The following CDIN1 variants were observed in gnomAD, a reference collection of about 807,000 sequenced individuals.
The protein encoded by CDIN1 is CDAN1-interacting nuclease 1.
A neutral mutation model predicts 45.3 loss-of-function variants in CDIN1; 33 were observed. The observed-to-expected ratio is 0.73, with a 90% confidence interval of 0.55 to 0.97. The LOEUF is 0.97. Among genes scored for constraint, CDIN1 ranks in the 50% least tolerant of loss-of-function variants. The pLI is 0.00. For synonymous variants in CDIN1, 118 were observed against 124.4 expected, an observed-to-expected ratio of 0.95 and a Z score of 0.34; for missense variants, 303 against 339.4, an observed-to-expected ratio of 0.89 and a Z score of 0.84.
chr15:36,660,910 C>T (rs2040985753), intron 5 of CDIN1, among the ~76,000 whole-genome samples: 1 of 152,158 alleles, frequency 6.6e-6, no homozygotes, highest in African/African-American at 2.4e-5. Flanking sequence ...AATTATTTTT[C>T]TTCCTCCCAA....
intron 10 of CDIN1, among the ~76,000 whole-genome samples, chr15:36,775,477 G>C (rs922369596): frequency 1.3e-5 from 2 of 152,204 alleles, no homozygotes; most frequent in Non-Finnish European, 2.9e-5. Flanking sequence ...GATCTTACCC[G>C]TGTGGAAACC....
At chr15:36,747,701 T>G (rs899858174) in intron 10 of CDIN1, among the ~76,000 whole-genome samples, 1 of 152,174 alleles carries the variant, frequency 6.6e-6, no homozygotes, top group African/African-American at 2.4e-5. Context: ...ACATTTATGG[T>G]AGGAATTGTT....
chr15:36,754,551 G>C (rs1293429599), intron 10 of CDIN1, among the ~76,000 whole-genome samples: 2 of 129,436 alleles, frequency 1.5e-5, no homozygotes, highest in African/African-American at 5.8e-5. Flanking sequence ...AAAATACTAA[G>C]TTGATGGTCT....
At chr15:36,607,934 C>T (rs898371468) in intron 1 of CDIN1, among the ~76,000 whole-genome samples, 1 of 152,176 alleles carries the variant, frequency 6.6e-6, no homozygotes, top group Non-Finnish European at 1.5e-5. Context: ...ATTTGCCTAT[C>T]TGGACATTTT....
At chr15:36,703,401 A>ATATATCTC (rs67311485) in intron 8 of CDIN1, among the ~76,000 whole-genome samples, 1 of 60,196 alleles carries the variant, frequency 1.7e-5, no homozygotes, top group Non-Finnish European at 2.8e-5. Flanking sequence ...ATATATATAT[A>ATATATCTC]TGATATACAT....
At chr15:36,619,632 G>GAA (rs533822162) in intron 1 of CDIN1, among the ~76,000 whole-genome samples, 9 of 144,178 alleles carry the variant, frequency 6.2e-5, no homozygotes, top group Non-Finnish European at 9.1e-5. Context: ...CAGCTTGGAG[G>GAA]AAAAAAAAAA....
chr15:36,745,187 AT>A (rs1184820997), intron 10 of CDIN1, among the ~76,000 whole-genome samples: 1 of 152,270 alleles, frequency 6.6e-6, no homozygotes, highest in East Asian at 1.9e-4. Flanking sequence ...TAGAGCTGTG[AT>A]TCATTTTTAC....
At chr15:36,785,097 C>T (rs1354226199) in intron 10 of CDIN1, among the ~76,000 whole-genome samples, 1 of 152,118 alleles carries the variant, frequency 6.6e-6, no homozygotes, top group African/African-American at 2.4e-5. Context: ...CAAAAAGGGC[C>T]TCTGTGGTTC....
At chr15:36,609,013 A>ATAGG (rs2038520150) in intron 1 of CDIN1, among the ~76,000 whole-genome samples, 1 of 146,990 alleles carries the variant, frequency 6.8e-6, no homozygotes, top group South Asian at 2.2e-4. Context: ...AGATAGATAG[A>ATAGG]TAGATAATTT....
intron 1 of CDIN1, among the ~76,000 whole-genome samples, chr15:36,581,715 T>TA (rs2037055981): frequency 6.6e-6 from 1 of 152,060 alleles, no homozygotes; most frequent in Non-Finnish European, 1.5e-5. Flanking sequence ...CCGTCTCTAA[T>TA]AAAAATCCAA....
chr15:36,727,211 A>T (rs974344574), intron 10 of CDIN1, among the ~76,000 whole-genome samples: 8 of 152,228 alleles, frequency 5.3e-5, no homozygotes, highest in Admixed American at 5.2e-4. Context: ...CATTTTGCAA[A>T]TTAAGGGTAA....
intron 5 of CDIN1, among the ~76,000 whole-genome samples, chr15:36,677,086 G>A (rs1364619132): frequency 6.6e-6 from 1 of 152,100 alleles, no homozygotes; most frequent in African/African-American, 2.4e-5. Flanking sequence ...TCCTTTGGCA[G>A]TGTGTTCATA....
chr15:36,593,787 A>G (rs1356468553), intron 1 of CDIN1, among the ~76,000 whole-genome samples: 1 of 152,040 alleles, frequency 6.6e-6, no homozygotes, highest in Non-Finnish European at 1.5e-5. Context: ...GATGGTCTCG[A>G]TCTCCTGACC....
intron 1 of CDIN1, among the ~76,000 whole-genome samples, chr15:36,601,317 A>G (rs1049994227): frequency 7.9e-5 from 12 of 152,068 alleles, no homozygotes; most frequent in Non-Finnish European, 1.8e-4. Context: ...TTGTGATTGG[A>G]GATTTGTCCT....
chr15:36,603,849 A>G (rs1179373777), intron 1 of CDIN1, among the ~76,000 whole-genome samples: 2 of 152,168 alleles, frequency 1.3e-5, no homozygotes, highest in African/African-American at 2.4e-5. Context: ...GCAACATTAA[A>G]CATTATTTTA....
At chr15:36,771,552 A>G (rs2054077605) in intron 10 of CDIN1, among the ~76,000 whole-genome samples, 1 of 152,176 alleles carries the variant, frequency 6.6e-6, no homozygotes, top group South Asian at 2.1e-4. Flanking sequence ...GTTGCTTTCA[A>G]CCACGCTTCA....
chr15:36,717,602 A>G (rs892192125), intron 10 of CDIN1, among the ~76,000 whole-genome samples: 1 of 152,080 alleles, frequency 6.6e-6, no homozygotes, highest in African/African-American at 2.4e-5. Context: ...AGTTCTGGCT[A>G]TTACTAATAA....
chr15:36,704,560 T>TA (rs1458145341), intron 8 of CDIN1: 1 of 144,030 alleles, frequency 6.9e-6, no homozygotes, highest in African/African-American at 2.5e-5. Flanking sequence ...TATTGAGTGA[T>TA]ACAGTGTTTT....
chr15:36,703,526 G>T (rs1234270644), intron 8 of CDIN1, among the ~76,000 whole-genome samples: 1 of 151,252 alleles, frequency 6.6e-6, no homozygotes, highest in African/African-American at 2.4e-5. Context: ...CACATTGTGA[G>T]AGTAGGGTAG....
Sources: gnomAD v4.1 joint callset for allele counts (sites outside exome capture counted in the v4.1 genomes callset) on GRCh38, gnomAD v4.1.1 for gene constraint, MANE v1.5 for transcripts, NCBI Gene and HGNC (gene_info 2026-07-23, HGNC 2026-07-21) for gene names.